HMCN1: variants seen among roughly 807,000 people sequenced by gnomAD.
HMCN1 encodes hemicentin-1.
A neutral mutation model predicts 625.9 loss-of-function variants in HMCN1; 321 were observed. The observed-to-expected ratio is 0.51, with a 90% confidence interval of 0.47 to 0.56. The LOEUF is 0.56. Ranked by LOEUF, HMCN1 falls within the 20% of genes least tolerant of loss-of-function variation. The pLI is 0.00. For missense variants in HMCN1, 6,588 were observed against 6,887.3 expected (o/e 0.96, Z 1.54); for synonymous variants, 2,425 against 2,417.6 (o/e 1.00, Z -0.09).
chr1:185,932,121 A>C (rs1667581807), intron 10 of HMCN1, among the ~76,000 whole-genome samples: 1 of 152,106 alleles, frequency 6.6e-6, no homozygotes, highest in Non-Finnish European at 1.5e-5. Flanking sequence ...CCCTAGCCAG[A>C]CTCCAATCAA....
intron 49 of HMCN1, among the ~76,000 whole-genome samples, chr1:186,065,657 C>T (rs1226923460): frequency 6.6e-6 from 1 of 152,172 alleles, no homozygotes; most frequent in East Asian, 1.9e-4. Flanking sequence ...AGGGACACAA[C>T]TCTGAATAAG....
At chr1:185,842,815 C>T (rs1661566768) in intron 1 of HMCN1, among the ~76,000 whole-genome samples, 2 of 151,968 alleles carry the variant, frequency 1.3e-5, no homozygotes, top group African/African-American at 4.8e-5. Flanking sequence ...AAATTCTGGA[C>T]TCCAAAGAAG....
intron 2 of HMCN1, among the ~76,000 whole-genome samples, chr1:185,848,142 C>T (rs370593324): frequency 2.0e-5 from 3 of 151,690 alleles, no homozygotes; most frequent in Admixed American, 6.6e-5. Flanking sequence ...CAATGCCAAC[C>T]GCATTGTCTA....
intron 36 of HMCN1, among the ~76,000 whole-genome samples, chr1:186,036,861 A>AT (rs1282108785): frequency 6.6e-6 from 1 of 152,066 alleles, no homozygotes; most frequent in Non-Finnish European, 1.5e-5. Flanking sequence ...AAGTGCTGGG[A>AT]TTACAGGTGT....
chr1:186,084,363 G>A (rs1659347433), intron 57 of HMCN1, among the ~76,000 whole-genome samples: 1 of 152,090 alleles, frequency 6.6e-6, no homozygotes, highest in African/African-American at 2.4e-5. Context: ...TGACTTGTGA[G>A]GAAGTAATCA....
intron 68 of HMCN1, 75 bp from the exon 69 acceptor site, chr1:186,103,397 A>G: frequency 8.1e-7 from 1 of 1,232,326 alleles, no homozygotes; most frequent in South Asian, 1.2e-5. Flanking sequence ...TTTGTGTTGG[A>G]TTTTCAAGTT....
chr1:186,070,812 A>G (rs375971672), intron 52 of HMCN1, 55 bp downstream of exon 52: 11 of 1,537,946 alleles, frequency 7.2e-6, no homozygotes, highest in Non-Finnish European at 9.9e-6. Flanking sequence ...AAAATGGTCA[A>G]TTGAAAAGAA....
At chr1:185,886,820 C>G (rs1664683675) in intron 4 of HMCN1, among the ~76,000 whole-genome samples, 1 of 152,122 alleles carries the variant, frequency 6.6e-6, no homozygotes, top group Non-Finnish European at 1.5e-5. Context: ...TCACTTTCAT[C>G]ACGCCCTGCC....
intron 71 of HMCN1, among the ~76,000 whole-genome samples, chr1:186,109,024 T>C (rs1191569112): frequency 6.6e-6 from 1 of 152,180 alleles, no homozygotes; most frequent in Non-Finnish European, 1.5e-5. Context: ...ACCCCAAAGA[T>C]ACCAGGCATC....
chr1:186,138,995 A>T (rs7549552), intron 89 of HMCN1, among the ~76,000 whole-genome samples: 77,414 of 152,072 alleles, frequency 0.51, 22,497 homozygotes, highest in African/African-American at 0.79. Flanking sequence ...TCTTTCCAGT[A>T]TTTATCAACA....
intron 68 of HMCN1, among the ~76,000 whole-genome samples, chr1:186,098,759 A>T (rs1334727120): frequency 3.9e-5 from 6 of 152,182 alleles, no homozygotes; most frequent in Non-Finnish European, 7.3e-5. Context: ...AACAGACAAG[A>T]TATATAATCA....
intron 13 of HMCN1, among the ~76,000 whole-genome samples, chr1:185,964,845 A>C (rs900497737): frequency 1.3e-5 from 2 of 152,150 alleles, no homozygotes; most frequent in Non-Finnish European, 2.9e-5. Context: ...AAATAGCTTT[A>C]GGAAAGGCAA....
intron 11 of HMCN1, among the ~76,000 whole-genome samples, chr1:185,947,567 C>T (rs544064712): frequency 6.6e-6 from 1 of 152,302 alleles, no homozygotes; most frequent in South Asian, 2.1e-4. Context: ...AGGTGGTTCT[C>T]GTATTCCCAT....
At chr1:185,990,524 C>T in intron 22 of HMCN1, 81 bp downstream of exon 22, 1 of 1,196,278 alleles carries the variant, frequency 8.4e-7, no homozygotes, top group East Asian at 2.3e-5. Flanking sequence ...TTCAGGTTAT[C>T]AAACGTCTCA....
At chr1:185,776,513 T>C (rs1656623617) in intron 1 of HMCN1, among the ~76,000 whole-genome samples, 1 of 151,890 alleles carries the variant, frequency 6.6e-6, no homozygotes, top group Non-Finnish European at 1.5e-5. Context: ...CATATTGTAA[T>C]GTGGAGTAAA....
Position 186,130,053 on chromosome 1 carries a change from A to G in HMCN1, c.12992A>G (p.Glu4331Gly). 6.2e-7 allele frequency: 1 copy of G among 1,613,354 alleles called. No individual in the cohort carries two copies. The highest frequency in any genetic ancestry group is 1.1e-5 in the South Asian group (1 of 91,086). Residue 4331 changes from glutamate (E) to glycine (G), a missense_variant, in exon 84 of 107, where the codon GAG becomes GGG. This residue lies in a region of HMCN1 where 1,954 missense variants were observed against 2,013.1 expected (regional missense o/e 0.97). Transcript: ENST00000271588. ...EDSGTYVCTAENSVGFVKAIG... is the reference protein window; with the variant it reads ...EDSGTYVCTAGNSVGFVKAIG... ...TCAGGTACTTATGTGTGCACCGCAG[A>G]GAACAGCGTTGGCTTTGTGAAGGCA...
At chr1:186,146,057 C>A in intron 93 of HMCN1, 134 bp downstream of exon 93, 1 of 896,152 alleles carries the variant, frequency 1.1e-6, no homozygotes, top group Non-Finnish European at 1.8e-6. Flanking sequence ...CTTTCTTGCT[C>A]CTAATTGGTA....
rs1235793304 is a variant in HMCN1 at position 185,962,744 on chromosome 1, C to CT, written c.1970+86dup. On this transcript the variant is annotated intron_variant, in intron 12 of 106. Coordinates refer to ENST00000271588, the MANE Select transcript of HMCN1 (RefSeq NM_031935.3). Reference sequence around the variant, plus strand: ...GGACCAAACTAATATGACCAAATCCCTAATATTAAGGGAGGTTTGACCACA... The same window carrying CT: ...GGACCAAACTAATATGACCAAATCCCTTAATATTAAGGGAGGTTTGACCACA... The CT allele has an allele frequency of 6.1e-6, 5 of 819,544 alleles. No homozygotes were observed. The Admixed American group carries it at 8.5e-5, about 14-fold the overall frequency. 50.8% of individuals were successfully genotyped at this position (819,544 alleles called of 1,614,324 possible).
rs1377484976 is a variant in HMCN1, at chr1:186,155,452, TTC to T, written c.15256+1467_15256+1468del. On this transcript the variant is annotated intron_variant, in intron 97 of 106. Transcript: ENST00000271588. ...ATTATGCCTGCTTTTCAAATCTAAC[TTC>T]TGTTTCTACTTTTTTCAGTACTCCA... Among the ~76,000 whole-genome samples, 3 of 152,232 alleles carry T rather than the reference TTC, an allele frequency of 2.0e-5. No individual in the cohort carries two copies. In the East Asian group the frequency reaches 5.8e-4, roughly 29 times the overall value.
Sources: gnomAD v4.1 joint callset for allele counts (sites outside exome capture counted in the v4.1 genomes callset) on GRCh38, gnomAD v4.1.1 for gene constraint, gnomAD v4.1.1 regional missense constraint, MANE v1.5 for transcripts, NCBI Gene and HGNC (gene_info 2026-07-23, HGNC 2026-07-21) for gene names.